Variants in TBC1D4 observed in about 807,000 individuals in gnomAD.
TBC1D4 encodes TBC (Tre-2, BUB2, CDC16) domain-containing protein.
A neutral mutation model predicts 142.5 loss-of-function variants in TBC1D4; 121 were observed. That is an observed-to-expected ratio of 0.85 (90% CI 0.73 to 0.99). The LOEUF (loss-of-function observed/expected upper bound fraction) is 0.99, where lower values mean the gene tolerates loss of function less well. Ranked by LOEUF, TBC1D4 falls within the 50% of genes least tolerant of loss-of-function variation. TBC1D4 has a pLI of 0.00. For synonymous variants in TBC1D4, 630 were observed against 628.2 expected (o/e 1.00, Z -0.04); for missense variants, 1,475 against 1,606.6 (o/e 0.92, Z 1.40).
At chr13:75,476,521 A>G (rs1333894809) in intron 1 of TBC1D4, among the ~76,000 whole-genome samples, 1 of 152,232 alleles carries the variant, frequency 6.6e-6, no homozygotes, top group Non-Finnish European at 1.5e-5. Flanking sequence ...TTTTGGCTGA[A>G]AGGCAAAGTT....
intron 8 of TBC1D4, among the ~76,000 whole-genome samples, chr13:75,328,407 T>G (rs976307285): frequency 1.3e-5 from 2 of 152,040 alleles, no homozygotes; most frequent in Admixed American, 1.3e-4. Context: ...TGGTTATCAA[T>G]TTTTTTTCAC....
chr13:75,422,241 G>C (rs1446048080), intron 1 of TBC1D4, among the ~76,000 whole-genome samples: 1 of 150,746 alleles, frequency 6.6e-6, no homozygotes, highest in African/African-American at 2.4e-5. Flanking sequence ...ATTTTGACCA[G>C]AAAAATACAG....
chr13:75,354,785 T>C (rs1411575276), intron 4 of TBC1D4, among the ~76,000 whole-genome samples: 8 of 152,156 alleles, frequency 5.3e-5, no homozygotes, highest in Non-Finnish European at 1.2e-4. Context: ...TGTTAGGTCA[T>C]CGGTTTTCTT....
In TBC1D4 at chr13:75,306,454, G is replaced by A; in HGVS notation, c.2611C>T (p.Gln871Ter). ...QKLEASRDEL[Q>*]SRKVKLDYEE... Reference sequence around the variant, plus strand: ...TAGTCTAATTTAACTTTTCTGGACTGGAGTTCATCTCTGCTTGCTAAGGAA... The same window carrying A: ...TAGTCTAATTTAACTTTTCTGGACTAGAGTTCATCTCTGCTTGCTAAGGAA... Residue 871 changes from glutamine to a stop codon, truncating the protein, a stop_gained, in exon 15 of 21, where the codon CAG becomes TAG. Coordinates refer to ENST00000377636, the MANE Select transcript of TBC1D4 (RefSeq NM_014832.5). LOFTEE classifies it high-confidence loss of function. 1 of 1,613,208 alleles carries A rather than the reference G, an allele frequency of 6.2e-7. No homozygotes were observed. The highest frequency in any genetic ancestry group is 8.5e-7 in the Non-Finnish European group (1 of 1,179,850).
Position 75,292,154 on chromosome 13 carries a change from T to G in TBC1D4, c.3434A>C (p.Lys1145Thr). 1.2e-6 allele frequency: 2 copies of G among 1,613,306 alleles called. No homozygotes were observed. The highest frequency in any genetic ancestry group is 1.7e-6 in the Non-Finnish European group (2 of 1,179,606). ...ESFENIVEFLKNTLPDMNTSE... is the reference protein window; with the variant it reads ...ESFENIVEFLTNTLPDMNTSE... ...GGTATTCATATCAGGTAGCGTGTTT[T>G]TAAGAAACTCAACAATATTTTCAAA... The change falls in exon 19 of 21, where the codon AAA becomes ACA. Residue 1145 changes from lysine (K) to threonine (T), a missense_variant. Around this residue, in one of 2 missense-constraint regions of TBC1D4, gnomAD observed 248 missense variants for 338.9 expected, o/e 0.73. Coordinates refer to ENST00000377636, the MANE Select transcript of TBC1D4 (RefSeq NM_014832.5).
chr13:75,443,397 T>C (rs1431836024), intron 1 of TBC1D4, among the ~76,000 whole-genome samples: 1 of 152,166 alleles, frequency 6.6e-6, no homozygotes, highest in African/African-American at 2.4e-5. Flanking sequence ...TTTAATTATA[T>C]CTAAATCAAA....
At chr13:75,312,991 T>C (rs2274757) in intron 12 of TBC1D4, 93 bp from the exon 13 acceptor site, 656,031 of 1,446,652 alleles carry the variant, frequency 0.45, 155,852 homozygotes, top group East Asian at 0.62. Context: ...TCACAAGTTC[T>C]GTCACGGGCA....
chr13:75,359,972 T>C, intron 2 of TBC1D4, 114 bp from the exon 3 acceptor site: 1 of 857,584 alleles, frequency 1.2e-6, no homozygotes, highest in Non-Finnish European at 1.9e-6. Context: ...CAGATATATG[T>C]ATTTCATATG....
At chr13:75,315,787 C>T (rs1190993760) in intron 12 of TBC1D4, among the ~76,000 whole-genome samples, 1 of 152,048 alleles carries the variant, frequency 6.6e-6, no homozygotes, top group East Asian at 1.9e-4. Flanking sequence ...AAAGATCTAC[C>T]TTCTTAAAAC....
intron 1 of TBC1D4, among the ~76,000 whole-genome samples, chr13:75,404,243 T>C (rs891390099): frequency 6.6e-5 from 10 of 152,224 alleles, no homozygotes; most frequent in Non-Finnish European, 1.5e-4. Flanking sequence ...TTAAAAGATG[T>C]ATTTGACCTT....
At chr13:75,404,059 T>TATATACACACACACACAC (rs781087838) in intron 1 of TBC1D4, among the ~76,000 whole-genome samples, 3 of 73,624 alleles carry the variant, frequency 4.1e-5, no homozygotes, top group Admixed American at 1.2e-4. Context: ...GGGATATATA[T>TATATACACACACACACAC]ACATACACAC....
intron 1 of TBC1D4, among the ~76,000 whole-genome samples, chr13:75,446,253 T>C (rs1456824201): frequency 1.3e-5 from 2 of 152,220 alleles, no homozygotes; most frequent in African/African-American, 2.4e-5. Context: ...AAAATTCTTA[T>C]AGAGTGAACT....
rs145901143 is a variant in TBC1D4, at chr13:75,407,845, C to T, written c.499-45238G>A. On this transcript the variant is annotated intron_variant, in intron 1 of 20. Transcript: ENST00000377636. ...GACAGGAACTCACACCGACAAGAAA[C>T]GGCTTGATCAGGAGAGAGAAAATAG... 2.2e-3 allele frequency among the ~76,000 whole-genome samples: 339 copies of T among 150,794 alleles called. 1 individual carries two copies. The highest frequency in any genetic ancestry group is 7.3e-3 in the African/African-American group (300 of 40,966).
intron 1 of TBC1D4, among the ~76,000 whole-genome samples, chr13:75,380,237 C>T (rs185529000): frequency 0.027 from 4,013 of 150,170 alleles, 87 homozygotes; most frequent in South Asian, 0.054. Context: ...TTTGGGAGGC[C>T]GAGGCGGGTG....
At chr13:75,309,285 A>T (rs1243585095) in intron 14 of TBC1D4, among the ~76,000 whole-genome samples, 1 of 152,138 alleles carries the variant, frequency 6.6e-6, no homozygotes, top group Admixed American at 6.5e-5. Context: ...ATTCCAAAGC[A>T]TTTGGTAATC....
At chr13:75,436,157 T>C (rs1295145347) in intron 1 of TBC1D4, among the ~76,000 whole-genome samples, 3 of 152,192 alleles carry the variant, frequency 2.0e-5, no homozygotes, top group Admixed American at 1.3e-4. Flanking sequence ...CATGCTCTCC[T>C]GCCTGCCACC....
intron 10 of TBC1D4, among the ~76,000 whole-genome samples, chr13:75,325,643 C>T (rs925915274): frequency 2.6e-5 from 4 of 152,138 alleles, no homozygotes; most frequent in African/African-American, 9.7e-5. Context: ...TCTAAGTGGA[C>T]ACTGCCTGTC....
chr13:75,378,997 A>G (rs766279850), intron 1 of TBC1D4, among the ~76,000 whole-genome samples: 4 of 152,148 alleles, frequency 2.6e-5, no homozygotes, highest in Non-Finnish European at 5.9e-5. Flanking sequence ...TGAATTTAGT[A>G]TTTAACAAGT....
chr13:75,454,420 A>T (rs1387616265), intron 1 of TBC1D4, among the ~76,000 whole-genome samples: 1 of 152,184 alleles, frequency 6.6e-6, no homozygotes, highest in East Asian at 1.9e-4. Context: ...GCTTTGATAA[A>T]AAGATTAATA....
Sources: allele counts gnomAD v4.1 joint callset (sites outside exome capture counted in the v4.1 genomes callset), GRCh38; gene constraint gnomAD v4.1.1; regional missense constraint gnomAD v4.1.1; transcripts MANE v1.5; gene names NCBI Gene and HGNC (gene_info 2026-07-23, HGNC 2026-07-21).